Variants in SORCS2 observed in about 807,000 individuals in gnomAD.
The protein encoded by SORCS2 is VPS10 domain-containing receptor SorCS2.
In SORCS2, 100 loss-of-function variants were observed where a neutral mutation model predicts 141.6. That is an observed-to-expected ratio of 0.71 (90% confidence interval 0.60 to 0.83). SORCS2 has a LOEUF of 0.83. Ranked by LOEUF, SORCS2 falls within the 40% of genes least tolerant of loss-of-function variation. The pLI is 0.00. For synonymous variants in SORCS2, 789 were observed against 676.9 expected (o/e 1.17, Z -2.57); for missense variants, 1,646 against 1,560.2 (o/e 1.05, Z -0.93).
chr4:7,734,819 T>C (rs1560122473), intron 25 of SORCS2, among the ~76,000 whole-genome samples: 1 of 152,040 alleles, frequency 6.6e-6, no homozygotes, highest in Non-Finnish European at 1.5e-5. Context: ...GCCCATCCCT[T>C]CCCTCCCCTC....
At chr4:7,227,789 A>G (rs1399509152) in intron 1 of SORCS2, among the ~76,000 whole-genome samples, 1 of 152,134 alleles carries the variant, frequency 6.6e-6, no homozygotes, top group Non-Finnish European at 1.5e-5. Flanking sequence ...GGCTAAACGC[A>G]GTTTTGTGGC....
intron 9 of SORCS2, among the ~76,000 whole-genome samples, chr4:7,677,263 G>A (rs906553803): frequency 3.3e-5 from 5 of 152,104 alleles, no homozygotes; most frequent in Non-Finnish European, 5.9e-5. Context: ...CCCGTGCATC[G>A]CACCAATGTG....
intron 2 of SORCS2, among the ~76,000 whole-genome samples, chr4:7,412,618 T>TCCCTCC (rs1725390836): frequency 4.6e-5 from 7 of 152,224 alleles, no homozygotes; most frequent in Middle Eastern, 6.8e-3. Flanking sequence ...GAATCGTCTC[T>TCCCTCC]CAGGGTTGGT....
chr4:7,423,762 T>C (rs1462989656), intron 2 of SORCS2, among the ~76,000 whole-genome samples: 1 of 152,158 alleles, frequency 6.6e-6, no homozygotes, highest in East Asian at 1.9e-4. Context: ...TTCAGCTTGT[T>C]TCTTTAGAAA....
At chr4:7,696,769 C>A (rs1004297822) in intron 11 of SORCS2, among the ~76,000 whole-genome samples, 2 of 152,230 alleles carry the variant, frequency 1.3e-5, no homozygotes, top group African/African-American at 4.8e-5. Flanking sequence ...GCCTCTGGCT[C>A]CTCTGCACCC....
intron 1 of SORCS2, among the ~76,000 whole-genome samples, chr4:7,309,529 G>A (rs1238824653): frequency 6.6e-6 from 1 of 152,220 alleles, no homozygotes; most frequent in Non-Finnish European, 1.5e-5. Context: ...TTTGTCGGAA[G>A]CATTTGAAAT....
At chr4:7,492,065 T>A (rs4286514) in intron 2 of SORCS2, among the ~76,000 whole-genome samples, 125,095 of 151,870 alleles carry the variant, frequency 0.82, 53,243 homozygotes, top group South Asian at 0.97. Flanking sequence ...CTGCCTCCAG[T>A]TTCACCCCAG....
intron 2 of SORCS2, among the ~76,000 whole-genome samples, chr4:7,467,768 T>C (rs1729710924): frequency 6.6e-6 from 1 of 152,258 alleles, no homozygotes; most frequent in Non-Finnish European, 1.5e-5. Context: ...CATTCCAAAG[T>C]ACTCTTTAGC....
intron 2 of SORCS2, among the ~76,000 whole-genome samples, chr4:7,530,552 G>C (rs1711558740): frequency 6.6e-6 from 1 of 152,192 alleles, no homozygotes; most frequent in African/African-American, 2.4e-5. Context: ...ATAGAGCAGG[G>C]GTGAGATGTG....
intron 3 of SORCS2, among the ~76,000 whole-genome samples, chr4:7,550,947 G>A (rs4689139): frequency 0.66 from 100,433 of 152,082 alleles, 35,376 homozygotes; most frequent in East Asian, 0.9. Context: ...GCTTTCCTGC[G>A]GGTGTCTTTT....
At chr4:7,713,084 T>C (rs74716803) in intron 15 of SORCS2, among the ~76,000 whole-genome samples, 1 of 151,276 alleles carries the variant, frequency 6.6e-6, no homozygotes, top group Non-Finnish European at 1.5e-5. Context: ...ACTCGGGGAG[T>C]GTGGGGCTAC....
Position 7,193,716 on chromosome 4 carries a change from C to G in SORCS2, c.480+590C>G, listed in dbSNP as rs1021204127. Reference sequence around the variant, plus strand: ...TCTTGAGCTCTTGCTGCCGGTCGCCCCGCCTGGATGCACTGGGACCCGCGT... The same window carrying G: ...TCTTGAGCTCTTGCTGCCGGTCGCCGCGCCTGGATGCACTGGGACCCGCGT... On this transcript the variant is annotated intron_variant, in intron 1 of 26. Transcript: ENST00000507866. This position sits in a 1 kb window ranked among gnomAD's most constrained non-coding sequence, Gnocchi z 4.8. Among the ~76,000 whole-genome samples, 3 of 152,202 alleles carry G rather than the reference C, an allele frequency of 2.0e-5. No individual in the cohort carries two copies. Among genetic ancestry groups the G allele is most frequent in the African/African-American group, 7.2e-5 (3 of 41,466 alleles).
chr4:7,491,741 C>T (rs1273501556), intron 2 of SORCS2, among the ~76,000 whole-genome samples: 3 of 152,204 alleles, frequency 2.0e-5, no homozygotes, highest in Admixed American at 1.3e-4. Flanking sequence ...GCAGCCCACC[C>T]ACCCCCCGTT....
At chr4:7,620,072 C>T (rs1719062523) in intron 3 of SORCS2, among the ~76,000 whole-genome samples, 1 of 151,564 alleles carries the variant, frequency 6.6e-6, no homozygotes, top group Admixed American at 6.6e-5. Flanking sequence ...CCTCTTCTTC[C>T]TCCTCTTCCT....
Position 7,388,815 on chromosome 4 carries a change from C to T in SORCS2, c.481-7473C>T, listed in dbSNP as rs377260359. On this transcript the variant is annotated intron_variant, in intron 1 of 26. Transcript: ENST00000507866. ...TTCCCATCCACACAGGTGCCCGGGGCTGCCTTGAGTGGTGAGCACCCCCGG... is the reference window on the plus strand; with the variant it reads ...TTCCCATCCACACAGGTGCCCGGGGTTGCCTTGAGTGGTGAGCACCCCCGG... 1.9e-4 allele frequency among the ~76,000 whole-genome samples: 29 copies of T among 152,332 alleles called. No individual in the cohort carries two copies. The East Asian group carries it at 4.4e-3, about 23-fold the overall frequency.
At chr4:7,516,686 A>T (rs1421907113) in intron 2 of SORCS2, among the ~76,000 whole-genome samples, 2 of 152,044 alleles carry the variant, frequency 1.3e-5, no homozygotes, top group Non-Finnish European at 2.9e-5. Context: ...TTCCAGGAAC[A>T]CGGCATGAAG....
intron 1 of SORCS2, among the ~76,000 whole-genome samples, chr4:7,243,080 G>A (rs1407937461): frequency 6.6e-6 from 1 of 152,142 alleles, no homozygotes. Flanking sequence ...CTGGTGAGGT[G>A]CTGACCCCAC....
At chr4:7,324,261 A>G (rs1365288777) in intron 1 of SORCS2, among the ~76,000 whole-genome samples, 3 of 152,198 alleles carry the variant, frequency 2.0e-5, no homozygotes, top group East Asian at 1.9e-4. Flanking sequence ...ATGGTGGCCT[A>G]TCACGTAGCT....
chr4:7,350,963 C>T (rs73796653), intron 1 of SORCS2, among the ~76,000 whole-genome samples: 285 of 152,244 alleles, frequency 1.9e-3, no homozygotes, highest in African/African-American at 6.5e-3. Context: ...GGAAGGAATG[C>T]GCTCCCTGGG....
Sources: gnomAD v4.1 joint callset for allele counts (sites outside exome capture counted in the v4.1 genomes callset) on GRCh38, gnomAD v4.1.1 for gene constraint, Gnocchi (gnomAD v3.1) non-coding constraint, MANE v1.5 for transcripts, NCBI Gene and HGNC (gene_info 2026-07-23, HGNC 2026-07-21) for gene names.